The following NMD3 variants were observed in gnomAD, a reference collection of about 807,000 sequenced individuals.
NMD3 encodes the protein 60S ribosomal export protein NMD3.
A neutral mutation model predicts 73.1 loss-of-function variants in NMD3; 47 were observed. The ratio of observed to expected loss-of-function variants is 0.64; its 90% confidence interval spans 0.51 to 0.82. NMD3 has a LOEUF of 0.82. NMD3 is among the 40% of genes least tolerant of loss of function. The probability of loss-of-function intolerance (pLI) is 0.00; values close to 1 mark genes in which losing one functional copy is unlikely to be tolerated. For missense variants in NMD3, 554 were observed against 612.5 expected (o/e 0.90, Z 1.01); for synonymous variants, 210 against 194.5 (o/e 1.08, Z -0.66).
At chr3:161,227,436 A>C (rs1576843100) in intron 4 of NMD3, 93 bp downstream of exon 4, 1 of 585,318 alleles carries the variant, frequency 1.7e-6, no homozygotes, top group Non-Finnish European at 2.9e-6. Flanking sequence ...TTTCAAAAGG[A>C]ATTTTTTTTT....
At chr3:161,250,743 A>T (rs1487876504) in intron 15 of NMD3, 37 bp from the exon 16 acceptor site, 1 of 1,360,408 alleles carries the variant, frequency 7.4e-7, no homozygotes, top group Non-Finnish European at 1.0e-6. Context: ...ACATATAAAT[A>T]CTTTGTATTT....
intron 5 of NMD3, 72 bp from the exon 6 acceptor site, chr3:161,234,655 G>T: frequency 1.5e-6 from 2 of 1,308,164 alleles, no homozygotes; most frequent in East Asian, 4.8e-5. Flanking sequence ...AAATATTAAA[G>T]GTTCTTCTTT....
At chr3:161,252,841 G>A (rs901537910), downstream of NMD3, 3 of 694,120 alleles carry the variant, frequency 4.3e-6, no homozygotes, top group Admixed American at 2.0e-5. Context: ...GTTGACGCCT[G>A]TAATCCCAGC....
intron 10 of NMD3, among the ~76,000 whole-genome samples, chr3:161,241,816 T>TA (rs1736997520): frequency 6.6e-6 from 1 of 152,218 alleles, no homozygotes. Context: ...TTTTGGAACA[T>TA]TTGGCTTTTT....
intron 2 of NMD3, among the ~76,000 whole-genome samples, chr3:161,223,821 A>C (rs2108072774): frequency 6.6e-6 from 1 of 152,274 alleles, no homozygotes; most frequent in African/African-American, 2.4e-5. Flanking sequence ...TTGCCTTGTT[A>C]ATTGATTCTT....
intron 11 of NMD3, among the ~76,000 whole-genome samples, chr3:161,245,324 C>T (rs1737157551): frequency 6.6e-6 from 1 of 151,872 alleles, no homozygotes; most frequent in Non-Finnish European, 1.5e-5. Context: ...CATTTCCCTT[C>T]AGGCAGATAT....
intron 7 of NMD3, among the ~76,000 whole-genome samples, chr3:161,236,866 G>A (rs1348945163): frequency 6.6e-6 from 1 of 152,092 alleles, no homozygotes; most frequent in Non-Finnish European, 1.5e-5. Flanking sequence ...GACTGTAAAT[G>A]TAATGGTTTA....
Position 161,244,536 on chromosome 3 carries a change from C to G in NMD3, c.1018-1800C>G, listed in dbSNP as rs139983777. ...GCTTACATGTACAGGTGGTGTCTCT[C>G]TTTGTGATTATCATTGTGATCTCCT... On this transcript the variant is annotated intron_variant, in intron 11 of 15. Coordinates refer to ENST00000351193, the MANE Select transcript of NMD3 (RefSeq NM_015938.5). 9.5e-4 allele frequency among the ~76,000 whole-genome samples: 144 copies of G among 151,910 alleles called. 1 individual carries two copies. In the East Asian group the frequency reaches 0.026, roughly 28 times the overall value.
chr3:161,233,793 C>A (rs1475563239), intron 5 of NMD3, among the ~76,000 whole-genome samples: 1 of 151,932 alleles, frequency 6.6e-6, no homozygotes, highest in Non-Finnish European at 1.5e-5. Context: ...AGCAAAAATT[C>A]TCTGTATGTG....
chr3:161,225,838 G>C (rs9290073), intron 3 of NMD3, among the ~76,000 whole-genome samples: 1 of 151,736 alleles, frequency 6.6e-6, no homozygotes, highest in African/African-American at 2.4e-5. Flanking sequence ...GTGTGTGTGT[G>C]TATATATGTA....
At chr3:161,234,694 C>A in intron 5 of NMD3, 33 bp from the exon 6 acceptor site, 9 of 1,537,520 alleles carry the variant, frequency 5.9e-6, no homozygotes, top group South Asian at 2.6e-5. Flanking sequence ...TAAACAAAAC[C>A]AAAAGAATGA....
chr3:161,236,493 T>C (rs537497177), intron 7 of NMD3, among the ~76,000 whole-genome samples: 1 of 152,278 alleles, frequency 6.6e-6, no homozygotes, highest in Admixed American at 6.5e-5. Flanking sequence ...TTTGCACATA[T>C]TTTCTCCTAG....
chr3:161,227,599 C>T (rs1390117877), intron 4 of NMD3, among the ~76,000 whole-genome samples: 1 of 151,728 alleles, frequency 6.6e-6, no homozygotes, highest in South Asian at 2.1e-4. Context: ...AGGCGCACAC[C>T]ACCACATCTG....
intron 12 of NMD3, among the ~76,000 whole-genome samples, chr3:161,246,797 C>CTA (rs947517366): frequency 6.6e-6 from 1 of 152,070 alleles, no homozygotes; most frequent in African/African-American, 2.4e-5. Flanking sequence ...GATATGACAA[C>CTA]TATATATATA....
intron 5 of NMD3, 131 bp from the exon 6 acceptor site, chr3:161,234,596 G>A (rs1033940784): frequency 3.9e-5 from 24 of 615,450 alleles, no homozygotes; most frequent in Non-Finnish European, 5.9e-5. Context: ...TTAAATTTGA[G>A]GACATTTGAT....
chr3:161,238,311 C>T, intron 8 of NMD3, 120 bp downstream of exon 8: 1 of 701,234 alleles, frequency 1.4e-6, no homozygotes, highest in African/African-American at 1.8e-5. Context: ...AATACTTACA[C>T]AATCAGGAAG....
chr3:161,233,279 A>G (rs905663680), intron 4 of NMD3, 120 bp from the exon 5 acceptor site: 6 of 617,860 alleles, frequency 9.7e-6, no homozygotes, highest in African/African-American at 3.7e-5. Flanking sequence ...GGTGTGTAGT[A>G]TGCTGATCAC....
chr3:161,249,302 A>G (rs1169603838), intron 13 of NMD3, 152 bp from the exon 14 acceptor site: 2 of 452,344 alleles, frequency 4.4e-6, no homozygotes, highest in Non-Finnish European at 7.9e-6. Context: ...AAAAATTTTA[A>G]AAGTCCTCTT....
intron 4 of NMD3, among the ~76,000 whole-genome samples, chr3:161,230,372 A>C (rs547097503): frequency 6.6e-6 from 1 of 152,262 alleles, no homozygotes; most frequent in East Asian, 1.9e-4. Flanking sequence ...CCTGAGCTCA[A>C]GCGATCCTCC....
Sources: gnomAD v4.1 joint callset for allele counts (sites outside exome capture counted in the v4.1 genomes callset) on GRCh38, gnomAD v4.1.1 for gene constraint, MANE v1.5 for transcripts, NCBI Gene and HGNC (gene_info 2026-07-23, HGNC 2026-07-21) for gene names.